The following PLA2G4A variants were observed in gnomAD, a reference collection of about 807,000 sequenced individuals.
The protein encoded by PLA2G4A is phospholipase A2 group IVA.
Under a neutral mutation model 81.9 loss-of-function variants are expected in PLA2G4A, and 40 were observed. That is an observed-to-expected ratio of 0.49 (90% CI 0.38 to 0.64). PLA2G4A has a LOEUF of 0.64. Among genes scored for constraint, PLA2G4A ranks in the 30% least tolerant of loss-of-function variants. The pLI is 0.00. For synonymous variants in PLA2G4A, 302 were observed against 296.9 expected, an observed-to-expected ratio of 1.02 and a Z score of -0.18; for missense variants, 715 against 905.1, an observed-to-expected ratio of 0.79 and a Z score of 2.69.
intron 13 of PLA2G4A, among the ~76,000 whole-genome samples, chr1:186,952,795 GAATCAAAC>G (rs1656609559): frequency 7.6e-6 from 1 of 132,422 alleles, no homozygotes; most frequent in South Asian, 2.4e-4. Context: ...CATGTAGTCA[GAATCAAAC>G]AATAATGTAG....
chr1:186,983,754 G>T (rs1211826434), intron 17 of PLA2G4A, among the ~76,000 whole-genome samples: 1 of 151,834 alleles, frequency 6.6e-6, no homozygotes, highest in East Asian at 1.9e-4. Flanking sequence ...ATGTGATGGC[G>T]GCGGGGCGGG....
intron 1 of PLA2G4A, among the ~76,000 whole-genome samples, chr1:186,844,904 C>T (rs1652118249): frequency 1.3e-5 from 2 of 152,268 alleles, no homozygotes; most frequent in South Asian, 4.1e-4. Flanking sequence ...GTGGCTCACA[C>T]CTGTAATCCC....
chr1:186,936,594 T>C (rs1046291290), intron 8 of PLA2G4A, among the ~76,000 whole-genome samples: 3 of 152,026 alleles, frequency 2.0e-5, no homozygotes, highest in African/African-American at 7.2e-5. Flanking sequence ...TGCTCTTTTT[T>C]AAGCACAAAA....
intron 5 of PLA2G4A, among the ~76,000 whole-genome samples, chr1:186,906,627 A>T (rs1366262230): frequency 6.6e-6 from 1 of 152,218 alleles, no homozygotes; most frequent in African/African-American, 2.4e-5. Flanking sequence ...ACAACATCTC[A>T]GTAGTTTTTA....
chr1:186,865,261 T>C (rs1652984030), intron 2 of PLA2G4A, among the ~76,000 whole-genome samples: 1 of 151,962 alleles, frequency 6.6e-6, no homozygotes, highest in South Asian at 2.1e-4. Context: ...TTAGGTGTTT[T>C]GAGCATTGAG....
chr1:186,956,449 G>T, intron 14 of PLA2G4A, 105 bp downstream of exon 14: 1 of 1,060,564 alleles, frequency 9.4e-7, no homozygotes, highest in South Asian at 1.3e-5. Flanking sequence ...TTTATTATCA[G>T]TTATTACAAC....
rs1205158600 is a variant in PLA2G4A at position 186,832,030 on chromosome 1, C to T, written c.-70+2995C>T. Among the ~76,000 whole-genome samples, 9 of 151,950 alleles carry T rather than the reference C, an allele frequency of 5.9e-5. 1 individual carries two copies. On this transcript the variant is annotated intron_variant, in intron 1 of 17. Transcript: ENST00000367466. ...TATTAAGTCCCTACTGTGTGTAATG[C>T]AAGTAATGGCAATCTATCCATGAGC... is the stretch of plus-strand genomic sequence containing the variant.
chr1:186,932,641 G>T (rs1200221689), intron 7 of PLA2G4A, 122 bp from the exon 8 acceptor site: 1 of 992,266 alleles, frequency 1.0e-6, no homozygotes, highest in Non-Finnish European at 1.6e-6. Flanking sequence ...ACTAAAGTAT[G>T]AAGTTAACTT....
At chr1:186,829,638 A>C (rs1651479163) in intron 1 of PLA2G4A, among the ~76,000 whole-genome samples, 1 of 152,180 alleles carries the variant, frequency 6.6e-6, no homozygotes, top group African/African-American at 2.4e-5. Flanking sequence ...AAGAGAAAAA[A>C]AAAATCTCAA....
At chr1:186,977,827 T>G (rs781604627) in intron 16 of PLA2G4A, 39 bp downstream of exon 16, 10 of 1,321,468 alleles carry the variant, frequency 7.6e-6, no homozygotes, top group Non-Finnish European at 1.1e-5. Context: ...AAATAGAAAT[T>G]AAGTAGGGGA....
intron 3 of PLA2G4A, among the ~76,000 whole-genome samples, chr1:186,886,681 A>G (rs770190490): frequency 6.6e-5 from 10 of 152,308 alleles, no homozygotes; most frequent in Non-Finnish European, 1.5e-4. Flanking sequence ...TTGCCAACTA[A>G]CACACCCACA....
At chr1:186,871,038 C>T (rs1362641178) in intron 3 of PLA2G4A, among the ~76,000 whole-genome samples, 3 of 152,100 alleles carry the variant, frequency 2.0e-5, no homozygotes, top group African/African-American at 2.4e-5. Flanking sequence ...TAAAAGAATA[C>T]TGAGTAAAGA....
intron 5 of PLA2G4A, among the ~76,000 whole-genome samples, chr1:186,898,637 A>G (rs1654432481): frequency 6.6e-6 from 1 of 152,236 alleles, no homozygotes; most frequent in South Asian, 2.1e-4. Flanking sequence ...AAGCATTATT[A>G]TTCTTTAAAT....
intron 3 of PLA2G4A, among the ~76,000 whole-genome samples, chr1:186,886,955 C>T (rs1463070010): frequency 1.3e-5 from 2 of 152,102 alleles, no homozygotes; most frequent in Non-Finnish European, 2.9e-5. Flanking sequence ...ATAATAATCA[C>T]CTGGTCAATT....
At chr1:186,939,770 T>A (rs968514670) in intron 9 of PLA2G4A, among the ~76,000 whole-genome samples, 1 of 152,190 alleles carries the variant, frequency 6.6e-6, no homozygotes, top group Admixed American at 6.5e-5. Context: ...ACATATAATC[T>A]AGAGTTATGA....
chr1:186,934,463 T>TATATATATATATATATATATATAC (rs368585350), intron 8 of PLA2G4A, among the ~76,000 whole-genome samples: 12 of 143,476 alleles, frequency 8.4e-5, no homozygotes, highest in African/African-American at 2.3e-4. Flanking sequence ...TATATATATA[T>TATATATATATATATATATATATAC]ACATACACAG....
chr1:186,960,313 T>G (rs1346229386), intron 14 of PLA2G4A, among the ~76,000 whole-genome samples: 1 of 152,190 alleles, frequency 6.6e-6, no homozygotes, highest in Non-Finnish European at 1.5e-5. Flanking sequence ...CAAATATTTG[T>G]ACATTGAATC....
intron 17 of PLA2G4A, among the ~76,000 whole-genome samples, chr1:186,979,944 T>C (rs1657661403): frequency 3.9e-5 from 1 of 25,806 alleles, no homozygotes; most frequent in Non-Finnish European, 2.5e-4. Flanking sequence ...CAGCATTTCC[T>C]TTTTTTTTTT....
At chr1:186,967,294 A>G (rs768843602) in intron 15 of PLA2G4A, among the ~76,000 whole-genome samples, 2 of 152,206 alleles carry the variant, frequency 1.3e-5, no homozygotes, top group Non-Finnish European at 2.9e-5. Flanking sequence ...AGTATCAATG[A>G]GATAAAATCT....
Sources: gnomAD v4.1 joint callset for allele counts (sites outside exome capture counted in the v4.1 genomes callset) on GRCh38, gnomAD v4.1.1 for gene constraint, MANE v1.5 for transcripts, NCBI Gene and HGNC (gene_info 2026-07-23, HGNC 2026-07-21) for gene names.